The following ADAM10 variants were observed in gnomAD, a reference collection of about 807,000 sequenced individuals.
ADAM10 encodes the protein disintegrin and metalloproteinase domain-containing protein 10.
ADAM10 carries 17 observed loss-of-function variants against 90.1 expected under a neutral mutation model. That is an observed-to-expected ratio of 0.19 (90% CI 0.13 to 0.28). ADAM10 has a LOEUF of 0.28. Among genes scored for constraint, ADAM10 ranks in the 10% least tolerant of loss-of-function variants. The pLI is 1.00. For missense variants in ADAM10, 610 were observed against 914.3 expected, an observed-to-expected ratio of 0.67 and a Z score of 4.29; for synonymous variants, 310 against 298.6, an observed-to-expected ratio of 1.04 and a Z score of -0.40.
chr15:58,616,255 G>A (rs1425733376), intron 11 of ADAM10, among the ~76,000 whole-genome samples: 1 of 152,158 alleles, frequency 6.6e-6, no homozygotes, highest in African/African-American at 2.4e-5. Flanking sequence ...CACTGGATTA[G>A]AACTATACTT....
chr15:58,669,154 C>A (rs1222095161), intron 4 of ADAM10, among the ~76,000 whole-genome samples: 1 of 152,092 alleles, frequency 6.6e-6, no homozygotes, highest in African/African-American at 2.4e-5. Flanking sequence ...TGACATAGAA[C>A]ATGCACTCTC....
At chr15:58,626,041 C>G (rs565118965) in intron 10 of ADAM10, among the ~76,000 whole-genome samples, 1 of 151,946 alleles carries the variant, frequency 6.6e-6, no homozygotes, top group Non-Finnish European at 1.5e-5. Flanking sequence ...AATGAGGGAT[C>G]CTTGTAATGA....
In ADAM10 at chr15:58,679,294, A is replaced by G; in HGVS notation, c.326-12T>C. 6.2e-7 allele frequency: 1 copy of G among 1,613,596 alleles called. No individual in the cohort carries two copies. Among genetic ancestry groups the G allele is most frequent in the East Asian group, 2.2e-5 (1 of 44,828 alleles). On this transcript the variant is annotated splice_polypyrimidine_tract_variant and intron_variant, in intron 3 of 15. Coordinates refer to ENST00000260408, the MANE Select transcript of ADAM10 (RefSeq NM_001110.4). ...ACTTCCTTCTTCACCTATTAATGAA[A>G]GCAACAAATTCTTGACAATTTAATT...
At chr15:58,640,222 T>C (rs189993551) in intron 8 of ADAM10, among the ~76,000 whole-genome samples, 4 of 152,116 alleles carry the variant, frequency 2.6e-5, no homozygotes, top group South Asian at 2.1e-4. Flanking sequence ...GTCAATGGAG[T>C]TGTGGGTACC....
chr15:58,630,026 G>A (rs1360350926), intron 9 of ADAM10, among the ~76,000 whole-genome samples: 1 of 151,904 alleles, frequency 6.6e-6, no homozygotes, highest in Non-Finnish European at 1.5e-5. Flanking sequence ...TGCCCACCTC[G>A]GCCTCCCAAA....
At chr15:58,617,654 T>C (rs756830009) in intron 11 of ADAM10, among the ~76,000 whole-genome samples, 4 of 152,094 alleles carry the variant, frequency 2.6e-5, no homozygotes, top group Non-Finnish European at 5.9e-5. Flanking sequence ...CTTATATATA[T>C]AGACAACCCT....
chr15:58,628,568 T>C (rs907630752), intron 9 of ADAM10, among the ~76,000 whole-genome samples: 7 of 152,162 alleles, frequency 4.6e-5, no homozygotes, highest in Admixed American at 1.3e-4. Flanking sequence ...GTCAGATACA[T>C]ACAGCATAGC....
intron 14 of ADAM10, among the ~76,000 whole-genome samples, chr15:58,608,326 G>A (rs1285192177): frequency 6.6e-6 from 1 of 152,188 alleles, no homozygotes; most frequent in African/African-American, 2.4e-5. Flanking sequence ...TTACACAAGA[G>A]CATCCTGATA....
intron 1 of ADAM10, among the ~76,000 whole-genome samples, chr15:58,730,557 C>T (rs1165873770): frequency 6.6e-6 from 1 of 152,194 alleles, no homozygotes; most frequent in African/African-American, 2.4e-5. Flanking sequence ...TTAGTTTCAT[C>T]TGCCTTTGGT....
At chr15:58,630,639 T>C (rs1456614758) in intron 9 of ADAM10, among the ~76,000 whole-genome samples, 1 of 152,180 alleles carries the variant, frequency 6.6e-6, no homozygotes. Context: ...TAAAGCAGTT[T>C]ATAATAGGTG....
intron 5 of ADAM10, among the ~76,000 whole-genome samples, chr15:58,648,849 T>C (rs1284050437): frequency 3.9e-5 from 6 of 152,128 alleles, no homozygotes; most frequent in Admixed American, 2.6e-4. Context: ...GTAATGCTTT[T>C]TTTTTGCCTT....
At chr15:58,602,861 A>G (rs1895152415) in intron 14 of ADAM10, among the ~76,000 whole-genome samples, 1 of 152,180 alleles carries the variant, frequency 6.6e-6, no homozygotes, top group East Asian at 1.9e-4. Flanking sequence ...AAAAGCTTAC[A>G]TGGAAGGTAA....
chr15:58,661,875 A>C (rs1896976647), intron 5 of ADAM10, among the ~76,000 whole-genome samples: 1 of 152,090 alleles, frequency 6.6e-6, no homozygotes, highest in East Asian at 1.9e-4. Context: ...CTATCCACTA[A>C]ATTTTTTACC....
chr15:58,615,309 T>C (rs1490829629), intron 11 of ADAM10, among the ~76,000 whole-genome samples: 6 of 148,708 alleles, frequency 4.0e-5, no homozygotes, highest in African/African-American at 1.5e-4. Context: ...CAGAAAATAA[T>C]TATCAAAATG....
rs1896361655 is a variant in ADAM10, at chr15:58,639,656, A to T, written c.1012+1121T>A. Among the ~76,000 whole-genome samples the T allele has an allele frequency of 2.0e-5, 3 of 152,226 alleles. No homozygotes were observed. In the South Asian group the frequency reaches 6.2e-4, roughly 31 times the overall value. ...TATGCAGCCCATGACATAAACTTATACTTTAAAATGACATCATGAAATTGA... is the reference window on the plus strand; with the variant it reads ...TATGCAGCCCATGACATAAACTTATTCTTTAAAATGACATCATGAAATTGA... On this transcript the variant is annotated intron_variant, in intron 8 of 15. Coordinates refer to ENST00000260408, the MANE Select transcript of ADAM10 (RefSeq NM_001110.4).
chr15:58,713,290 G>C (rs1898536385), intron 2 of ADAM10, among the ~76,000 whole-genome samples: 1 of 151,972 alleles, frequency 6.6e-6, no homozygotes, highest in Non-Finnish European at 1.5e-5. Context: ...TCTTTCTGTA[G>C]AGTCAGGATC....
chr15:58,608,103 G>A (rs141804361), intron 14 of ADAM10, among the ~76,000 whole-genome samples: 274 of 152,244 alleles, frequency 1.8e-3, no homozygotes, highest in Non-Finnish European at 3.2e-3. Context: ...AAACATAGTT[G>A]TCAACACAGA....
intron 2 of ADAM10, chr15:58,698,319 C>A: frequency 4.5e-6 from 2 of 445,462 alleles, no homozygotes. Flanking sequence ...CATCTGTAAT[C>A]CCAGCACTGT....
chr15:58,601,641 T>A (rs1317302053), intron 14 of ADAM10, among the ~76,000 whole-genome samples: 1 of 152,164 alleles, frequency 6.6e-6, no homozygotes, highest in Non-Finnish European at 1.5e-5. Flanking sequence ...GGCTGATACA[T>A]TACTAACATT....
Sources: gnomAD v4.1 joint callset for allele counts (sites outside exome capture counted in the v4.1 genomes callset) on GRCh38, gnomAD v4.1.1 for gene constraint, MANE v1.5 for transcripts, NCBI Gene and HGNC (gene_info 2026-07-23, HGNC 2026-07-21) for gene names.